Variants in CNTNAP2 observed in about 807,000 individuals in gnomAD.
The protein encoded by CNTNAP2 is contactin associated protein 2, also known as contactin-associated protein-like 2.
CNTNAP2 carries 98 observed loss-of-function variants against 155.2 expected under a neutral mutation model. The observed-to-expected ratio is 0.63, with a 90% CI of 0.54 to 0.75. The LOEUF (loss-of-function observed/expected upper bound fraction) is 0.75, where lower values mean the gene tolerates loss of function less well. CNTNAP2 is among the 30% of genes least tolerant of loss of function. The probability of loss-of-function intolerance (pLI) is 0.00; values close to 1 mark genes in which losing one functional copy is unlikely to be tolerated. For synonymous variants in CNTNAP2, 651 were observed against 631.2 expected (o/e 1.03, Z -0.47); for missense variants, 1,727 against 1,688.1 (o/e 1.02, Z -0.40).
In CNTNAP2 at chr7:147,315,665, A is replaced by T. The variant is rs1795215777; in HGVS notation, c.1498+15375A>T. 2.0e-5 allele frequency among the ~76,000 whole-genome samples: 3 copies of T among 151,770 alleles called. No homozygotes were observed. The South Asian group carries it at 6.2e-4, about 32-fold the overall frequency. ...CCGGCTAATTTTTTGTATTTTTAGT[A>T]GAGATGGCGTTTAACTGTGTCAGCC... On this transcript the variant is annotated intron_variant, in intron 9 of 23. Transcript: ENST00000361727.
At chr7:146,730,875 A>G (rs1211541035) in intron 1 of CNTNAP2, among the ~76,000 whole-genome samples, 1 of 152,186 alleles carries the variant, frequency 6.6e-6, no homozygotes, top group East Asian at 1.9e-4. Flanking sequence ...CACATTGATG[A>G]ATAATAATCA....
chr7:146,872,161 AATTTTTT>A (rs982301898), intron 3 of CNTNAP2, among the ~76,000 whole-genome samples: 1 of 121,578 alleles, frequency 8.2e-6, no homozygotes, highest in Non-Finnish European at 1.7e-5. Flanking sequence ...TAAATTATTG[AATTTTTT>A]TTTTTTTTTT....
chr7:147,681,201 G>C (rs570244802), intron 13 of CNTNAP2, among the ~76,000 whole-genome samples: 1 of 151,904 alleles, frequency 6.6e-6, no homozygotes, highest in Admixed American at 6.6e-5. Flanking sequence ...GAAATAGAAC[G>C]GATTTGGAAG....
At chr7:147,172,240 T>G (rs1417351278) in intron 8 of CNTNAP2, among the ~76,000 whole-genome samples, 1 of 152,196 alleles carries the variant, frequency 6.6e-6, no homozygotes, top group Admixed American at 6.5e-5. Context: ...TTGACATTTA[T>G]AGCATCCTAT....
chr7:147,994,457 T>C (rs1585067684), intron 15 of CNTNAP2, among the ~76,000 whole-genome samples: 1 of 152,016 alleles, frequency 6.6e-6, no homozygotes, highest in East Asian at 1.9e-4. Context: ...TTTCCACCCA[T>C]ATTTCATCTT....
At chr7:148,005,577 G>A (rs1801962429) in intron 15 of CNTNAP2, among the ~76,000 whole-genome samples, 1 of 152,114 alleles carries the variant, frequency 6.6e-6, no homozygotes, top group African/African-American at 2.4e-5. Context: ...GTGGAGAAGG[G>A]CACTTGAATG....
At chr7:147,907,917 G>A (rs1372255984) in intron 14 of CNTNAP2, among the ~76,000 whole-genome samples, 1 of 151,194 alleles carries the variant, frequency 6.6e-6, no homozygotes, top group East Asian at 2.0e-4. Flanking sequence ...TTACAGGCAC[G>A]CATCACCATG....
At chr7:148,127,707 C>T (rs903541298) in intron 16 of CNTNAP2, among the ~76,000 whole-genome samples, 2 of 152,124 alleles carry the variant, frequency 1.3e-5, no homozygotes, top group African/African-American at 4.8e-5. Context: ...AAAATTGGAA[C>T]AACTTTTTAT....
chr7:148,235,565 A>C (rs1256503623), intron 20 of CNTNAP2, among the ~76,000 whole-genome samples: 2 of 152,038 alleles, frequency 1.3e-5, no homozygotes, highest in African/African-American at 4.8e-5. Context: ...ATTATTGTCC[A>C]TTATTCTTGA....
At chr7:147,764,021 T>G (rs1343388355) in intron 13 of CNTNAP2, among the ~76,000 whole-genome samples, 1 of 152,220 alleles carries the variant, frequency 6.6e-6, no homozygotes, top group African/African-American at 2.4e-5. Flanking sequence ...CTGTGATTTC[T>G]GGGTTCCAGC....
chr7:147,468,525 A>G (rs529947726), intron 10 of CNTNAP2, among the ~76,000 whole-genome samples: 47 of 152,296 alleles, frequency 3.1e-4, no homozygotes, highest in African/African-American at 1.1e-3. Context: ...TTCTTCATCT[A>G]TAAATGAAAT....
chr7:146,119,525 G>A (rs886109114), intron 1 of CNTNAP2, among the ~76,000 whole-genome samples: 4 of 152,056 alleles, frequency 2.6e-5, no homozygotes, highest in South Asian at 4.1e-4. Flanking sequence ...GTAACAAATC[G>A]TGTATCTTCC....
At chr7:146,483,352 G>A (rs1230323840) in intron 1 of CNTNAP2, among the ~76,000 whole-genome samples, 3 of 128,688 alleles carry the variant, frequency 2.3e-5, no homozygotes, top group African/African-American at 8.2e-5. Flanking sequence ...TTTAAGCACA[G>A]AGTTGTGAAT....
At chr7:148,135,973 GAGGAAGGAAGGA>G (rs1186076177) in intron 16 of CNTNAP2, among the ~76,000 whole-genome samples, 2 of 40,192 alleles carry the variant, frequency 5.0e-5, no homozygotes, top group Non-Finnish European at 8.4e-5. Context: ...GGAAGAGAGG[GAGGAAGGAAGGA>G]AGGAAGGAAG....
intron 13 of CNTNAP2, among the ~76,000 whole-genome samples, chr7:147,792,482 G>A (rs851695): frequency 0.053 from 8,065 of 151,600 alleles, 648 homozygotes; most frequent in African/African-American, 0.18. Flanking sequence ...TGTTTTTGAA[G>A]TCAATCCACG....
At chr7:147,162,688 C>T (rs1357912508) in intron 8 of CNTNAP2, among the ~76,000 whole-genome samples, 1 of 152,140 alleles carries the variant, frequency 6.6e-6, no homozygotes, top group Non-Finnish European at 1.5e-5. Flanking sequence ...ACCCTCAAAG[C>T]ATTACTCAGT....
At chr7:148,302,813 C>CTTTTTTTTTTT (rs59354674) in intron 21 of CNTNAP2, among the ~76,000 whole-genome samples, 6 of 86,912 alleles carry the variant, frequency 6.9e-5, no homozygotes, top group Non-Finnish European at 1.0e-4. Context: ...CTCGATTATT[C>CTTTTTTTTTTT]TTTTTTTTTT....
At chr7:146,170,981 T>G (rs780192166) in intron 1 of CNTNAP2, among the ~76,000 whole-genome samples, 2 of 152,094 alleles carry the variant, frequency 1.3e-5, no homozygotes, top group South Asian at 2.1e-4. Flanking sequence ...GAGCCGAGAT[T>G]GCGCCATTGC....
At chr7:147,369,270 G>A (rs1035429454) in intron 9 of CNTNAP2, among the ~76,000 whole-genome samples, 1 of 152,184 alleles carries the variant, frequency 6.6e-6, no homozygotes, top group Non-Finnish European at 1.5e-5. Flanking sequence ...ATCTTCTCAT[G>A]AAGATGGCAT....
Sources: gnomAD v4.1 joint callset for allele counts (sites outside exome capture counted in the v4.1 genomes callset) on GRCh38, gnomAD v4.1.1 for gene constraint, MANE v1.5 for transcripts, NCBI Gene and HGNC (gene_info 2026-07-23, HGNC 2026-07-21) for gene names.